The following NOL4L variants were observed in gnomAD, a reference collection of about 807,000 sequenced individuals.
The protein encoded by NOL4L is nucleolar protein 4 like, also known as nucleolar protein 4-like.
NOL4L carries 7 observed loss-of-function variants against 64.5 expected under a neutral mutation model. The observed-to-expected ratio is 0.11, with a 90% CI of 0.06 to 0.20. The LOEUF (loss-of-function observed/expected upper bound fraction) is 0.20, where lower values mean the gene tolerates loss of function less well. NOL4L is among the 10% of genes least tolerant of loss of function. The pLI, the probability that NOL4L is intolerant of heterozygous loss-of-function variation, is 1.00. For synonymous variants in NOL4L, 413 were observed against 401.0 expected (o/e 1.03, Z -0.36); for missense variants, 680 against 967.1 (o/e 0.70, Z 3.94).
At chr20:32,575,370 C>T (rs748198119) in intron 1 of NOL4L, among the ~76,000 whole-genome samples, 3 of 152,186 alleles carry the variant, frequency 2.0e-5, no homozygotes, top group African/African-American at 7.2e-5. Context: ...TCGTACAACG[C>T]CCACGCTGAC....
At chr20:32,544,556 A>G (rs2018706520) in intron 1 of NOL4L, among the ~76,000 whole-genome samples, 1 of 152,034 alleles carries the variant, frequency 6.6e-6, no homozygotes, top group Non-Finnish European at 1.5e-5. Flanking sequence ...TTGAAGGATC[A>G]TTTTGGCTGC....
At chr20:32,503,559 T>C (rs1383145346) in intron 4 of NOL4L, among the ~76,000 whole-genome samples, 16 of 152,166 alleles carry the variant, frequency 1.1e-4, no homozygotes, top group Admixed American at 8.5e-4. Context: ...TGCCACAGGG[T>C]CTACCCCACT....
rs2012395573 is a variant in NOL4L at position 32,447,435 on chromosome 20, C to G, written c.*161G>C. On this transcript the variant is annotated 3_prime_UTR_variant, in exon 11 of 11. Transcript: ENST00000621426. The stretch of plus-strand genomic sequence containing the variant: ...AAAAAAAAAAAAAAAAAAAAGTGTC[C>G]TTGTGCCCAAAGTCTCAGGTGCTTG... 1 of 460,756 alleles carries G rather than the reference C, an allele frequency of 2.2e-6. No homozygotes were observed. The highest frequency in any genetic ancestry group is 3.5e-6 in the Non-Finnish European group (1 of 282,948). 28.5% of individuals were successfully genotyped at this position (460,756 alleles called of 1,614,324 possible).
rs978403007 is a variant in NOL4L, at chr20:32,480,538, C to T, written c.700-5796G>A. On this transcript the variant is annotated intron_variant, in intron 4 of 10. Transcript: ENST00000621426. The stretch of plus-strand genomic sequence containing the variant: ...AGTCTCTTCTCAACCCACTGGTGGG[C>T]CCCTCCTTCTGGACACCTGTAGGCC... Among the ~76,000 whole-genome samples, 181 of 152,182 alleles carry T rather than the reference C, an allele frequency of 1.2e-3. 4 individuals carry two copies. The highest frequency in any genetic ancestry group is 8.7e-4 in the Non-Finnish European group (59 of 68,030).
chr20:32,517,556 C>T (rs1185911639), intron 3 of NOL4L, among the ~76,000 whole-genome samples: 1 of 152,234 alleles, frequency 6.6e-6, no homozygotes, highest in South Asian at 2.1e-4. Flanking sequence ...CTTTCAGACT[C>T]AAAACTCTCC....
rs386393630 is a variant in NOL4L, at chr20:32,447,403, C to CAAAAA, written c.*188_*192dup. ...TCAGAGCACCCGTGTGGTGAGATTC[C>CAAAAA]AAAAAAAAAAAAAAAAAAAAAAAAA... On this transcript the variant is annotated 3_prime_UTR_variant, in exon 11 of 11. Transcript: ENST00000621426. 18,754 of 151,214 alleles carry CAAAAA rather than the reference C, an allele frequency of 0.12. 4,147 individuals carry two copies. The highest frequency in any genetic ancestry group is 0.28 in the East Asian group (945 of 3,414). The allele number at this position is 151,214 out of a possible 1,614,324, so 9.4% of individuals were successfully genotyped here. A position where few individuals can be genotyped will look rare whatever the true frequency, so the allele number is the denominator to read the frequency against.
chr20:32,462,919 A>AAAAAAAAAAAAAAAAAAAAC (rs1303278206), intron 5 of NOL4L, among the ~76,000 whole-genome samples: 1 of 150,852 alleles, frequency 6.6e-6, no homozygotes, highest in Non-Finnish European at 1.5e-5. Flanking sequence ...AAAAAAAAAA[A>AAAAAAAAAAAAAAAAAAAAC]AAAACTGATT....
chr20:32,566,418 T>C (rs1358464350), intron 1 of NOL4L, among the ~76,000 whole-genome samples: 1 of 137,722 alleles, frequency 7.3e-6, no homozygotes, highest in Non-Finnish European at 1.6e-5. Flanking sequence ...ACCTACAAGG[T>C]TGGCATCACT....
chr20:32,450,427 C>T (rs1244612235), intron 10 of NOL4L: 1 of 152,322 alleles, frequency 6.6e-6, no homozygotes, highest in Non-Finnish European at 1.5e-5. Context: ...GGTAAATGAC[C>T]AGATTTCTGC....
rs1980793761 is a variant in NOL4L at position 32,584,965 on chromosome 20, G to T, written c.-75C>A. The T allele has an allele frequency of 3.7e-5, 32 of 855,586 alleles. 1 individual carries two copies. Among genetic ancestry groups the T allele is most frequent in the Non-Finnish European group, 4.2e-5 (30 of 707,114 alleles). The allele number at this position is 855,586 out of a possible 1,614,324, so 53.0% of individuals were successfully genotyped here. A position where few individuals can be genotyped will look rare whatever the true frequency, so the allele number is the denominator to read the frequency against. ...CCGGTGCCGGGACTGGGCTGGGCTG[G>T]GCTGGACCGGGCCGGGACGCGCCGC... On this transcript the variant is annotated 5_prime_UTR_variant, in exon 1 of 11. Coordinates refer to ENST00000621426, the MANE Select transcript of NOL4L (RefSeq NM_001256798.2).
chr20:32,452,209 C>T, intron 10 of NOL4L, 27 bp downstream of exon 10: 2 of 1,493,616 alleles, frequency 1.3e-6, no homozygotes, highest in Non-Finnish European at 1.8e-6. Flanking sequence ...GGTCGGGAAG[C>T]CAGAGCCCAG....
At chr20:32,452,603 C>T (rs1413640301) in intron 9 of NOL4L, among the ~76,000 whole-genome samples, 166 bp from the exon 10 acceptor site, 1 of 152,170 alleles carries the variant, frequency 6.6e-6, no homozygotes, top group Non-Finnish European at 1.5e-5. Flanking sequence ...CCACCTTCCC[C>T]CCGGGGGCTT....
intron 2 of NOL4L, among the ~76,000 whole-genome samples, chr20:32,524,529 C>T (rs999893885): frequency 1.3e-5 from 2 of 152,156 alleles, no homozygotes; most frequent in Non-Finnish European, 2.9e-5. Context: ...CCTATAGTAC[C>T]CTCCTAGGCC....
At chr20:32,507,965 C>T (rs187581215) in intron 4 of NOL4L, among the ~76,000 whole-genome samples, 8 of 152,232 alleles carry the variant, frequency 5.3e-5, no homozygotes, top group East Asian at 1.9e-4. Flanking sequence ...GAGCCGAGAT[C>T]GCACCACTGC....
intron 1 of NOL4L, chr20:32,536,434 G>T: frequency 2.0e-6 from 1 of 488,792 alleles, no homozygotes; most frequent in Non-Finnish European, 2.7e-6. Context: ...TTGACAGCGC[G>T]CGCTGGGGCC....
chr20:32,488,742 T>C (rs1239706336), intron 4 of NOL4L, among the ~76,000 whole-genome samples: 2 of 150,338 alleles, frequency 1.3e-5, no homozygotes, highest in Non-Finnish European at 3.0e-5. Context: ...CTTTTCTTTC[T>C]TTCTTTTCCT....
intron 5 of NOL4L, among the ~76,000 whole-genome samples, chr20:32,470,124 C>T (rs1240660479): frequency 1.3e-5 from 2 of 152,258 alleles, no homozygotes; most frequent in Admixed American, 1.3e-4. Context: ...AGCGAGCAGA[C>T]CCCTGCTCTC....
At position 32,453,841 on chromosome 20, in the gene NOL4L, TG is replaced by T; in HGVS notation, c.1120-81del. ...CTGGGTCTCCTACAGGCGGTGAGCT[TG>T]GGGACCAGGGTGGCACGCATGCCCT... On this transcript the variant is annotated intron_variant, in intron 6 of 10. Transcript: ENST00000621426. This position sits in a 1 kb window ranked among gnomAD's most constrained non-coding sequence, Gnocchi z 5.6. The T allele has an allele frequency of 7.2e-7, 1 of 1,398,426 alleles. No individual in the cohort carries two copies. The highest frequency in any genetic ancestry group is 9.8e-7 in the Non-Finnish European group (1 of 1,022,432). The allele number at this position is 1,398,426 out of a possible 1,614,324, so 86.6% of individuals were successfully genotyped here.
rs560382509 is a variant in NOL4L, at chr20:32,525,318, C to T, written c.477+2440G>A. 4.2e-4 allele frequency among the ~76,000 whole-genome samples: 64 copies of T among 152,326 alleles called. No homozygotes were observed. In the South Asian group the frequency reaches 0.012, roughly 29 times the overall value. ...ATGATCCAGCTGGCTCCAGCCCATC[C>T]GCCTGGACAACAGCAAGTCATAGGG... On this transcript the variant is annotated intron_variant, in intron 2 of 10. Coordinates refer to ENST00000621426, the MANE Select transcript of NOL4L (RefSeq NM_001256798.2).
Sources: allele counts gnomAD v4.1 joint callset (sites outside exome capture counted in the v4.1 genomes callset), GRCh38; gene constraint gnomAD v4.1.1; non-coding constraint Gnocchi (gnomAD v3.1); transcripts MANE v1.5; gene names NCBI Gene and HGNC (gene_info 2026-07-23, HGNC 2026-07-21).